FCHSD2: variants seen among roughly 807,000 people sequenced by gnomAD.
The protein encoded by FCHSD2 is F-BAR and double SH3 domains protein 2.
FCHSD2 carries 38 observed loss-of-function variants against 108.1 expected under a neutral mutation model. The ratio of observed to expected loss-of-function variants is 0.35; its 90% confidence interval spans 0.27 to 0.46. The LOEUF is 0.46. FCHSD2 is among the 20% of genes least tolerant of loss of function. The pLI is 1.00. For synonymous variants in FCHSD2, 279 were observed against 314.7 expected, an observed-to-expected ratio of 0.89 and a Z score of 1.20; for missense variants, 751 against 897.8, an observed-to-expected ratio of 0.84 and a Z score of 2.09.
chr11:72,910,531 C>T (rs1855741554), intron 9 of FCHSD2, among the ~76,000 whole-genome samples: 1 of 152,086 alleles, frequency 6.6e-6, no homozygotes, highest in South Asian at 2.1e-4. Flanking sequence ...TACCCCCAAC[C>T]CCATGCTCTT....
intron 2 of FCHSD2, among the ~76,000 whole-genome samples, chr11:73,113,311 T>C (rs913201719): frequency 6.8e-6 from 1 of 148,130 alleles, no homozygotes; most frequent in Non-Finnish European, 1.5e-5. Context: ...GACTGTTCCC[T>C]GGTACCTTAG....
chr11:73,087,589 C>T (rs1312688452), intron 2 of FCHSD2, among the ~76,000 whole-genome samples: 1 of 151,640 alleles, frequency 6.6e-6, no homozygotes, highest in East Asian at 1.9e-4. Context: ...CCTGTAGTCC[C>T]AGCTACTCGG....
chr11:73,035,917 C>G (rs1022982858), intron 3 of FCHSD2, among the ~76,000 whole-genome samples: 3 of 151,910 alleles, frequency 2.0e-5, no homozygotes, highest in African/African-American at 7.3e-5. Context: ...GACAGGGTTT[C>G]ACCATGTTGG....
At chr11:73,044,686 G>C (rs1858714817) in intron 3 of FCHSD2, among the ~76,000 whole-genome samples, 1 of 152,118 alleles carries the variant, frequency 6.6e-6, no homozygotes, top group South Asian at 2.1e-4. Flanking sequence ...ATTAAAATTA[G>C]GCAAATGCTG....
intron 3 of FCHSD2, among the ~76,000 whole-genome samples, chr11:73,036,462 T>G (rs948967306): frequency 1.3e-5 from 2 of 152,206 alleles, no homozygotes; most frequent in Non-Finnish European, 2.9e-5. Flanking sequence ...GAAAATAATT[T>G]CATTAGTCAC....
intron 6 of FCHSD2, among the ~76,000 whole-genome samples, chr11:72,986,295 T>C (rs1857310319): frequency 6.6e-6 from 1 of 152,168 alleles, no homozygotes; most frequent in Non-Finnish European, 1.5e-5. Flanking sequence ...CTGCAACCTC[T>C]GCCTCCTGGG....
intron 2 of FCHSD2, among the ~76,000 whole-genome samples, chr11:73,130,601 G>T (rs1455782582): frequency 6.6e-6 from 1 of 152,078 alleles, no homozygotes; most frequent in Non-Finnish European, 1.5e-5. Context: ...AATGGCTTAG[G>T]AGCTAATAAA....
chr11:72,903,746 G>A (rs1184712166), intron 9 of FCHSD2, among the ~76,000 whole-genome samples: 1 of 151,900 alleles, frequency 6.6e-6, no homozygotes, highest in Non-Finnish European at 1.5e-5. Context: ...CTAGAAGATG[G>A]GCAGAAGAAA....
intron 9 of FCHSD2, among the ~76,000 whole-genome samples, chr11:72,908,274 T>G (rs989506287): frequency 1.3e-5 from 2 of 152,212 alleles, no homozygotes; most frequent in African/African-American, 4.8e-5. Flanking sequence ...TCTCTATCCG[T>G]TCATCTGTTG....
At chr11:72,945,407 G>A (rs559988585) in intron 8 of FCHSD2, among the ~76,000 whole-genome samples, 6 of 152,170 alleles carry the variant, frequency 3.9e-5, no homozygotes, top group East Asian at 1.9e-4. Flanking sequence ...TTCAAGATGG[G>A]TTAAAGACTT....
At chr11:73,128,400 T>A (rs1860909815) in intron 2 of FCHSD2, among the ~76,000 whole-genome samples, 1 of 152,146 alleles carries the variant, frequency 6.6e-6, no homozygotes, top group African/African-American at 2.4e-5. Flanking sequence ...ACCTTTTTTG[T>A]TTGTTGGCAA....
chr11:73,096,843 A>G (rs540699963), intron 2 of FCHSD2, among the ~76,000 whole-genome samples: 113 of 151,738 alleles, frequency 7.4e-4, no homozygotes, highest in Non-Finnish European at 1.2e-3. Context: ...AAAAAAAAAA[A>G]GGAAATTTCC....
intron 3 of FCHSD2, among the ~76,000 whole-genome samples, chr11:73,062,203 C>T (rs548369659): frequency 4.6e-5 from 7 of 152,276 alleles, no homozygotes; most frequent in Admixed American, 1.3e-4. Flanking sequence ...CTTCAGCAGA[C>T]CTGCAGCAGA....
At chr11:73,139,486 T>A (rs1861197396) in intron 2 of FCHSD2, among the ~76,000 whole-genome samples, 1 of 152,208 alleles carries the variant, frequency 6.6e-6, no homozygotes, top group Non-Finnish European at 1.5e-5. Context: ...TAGCAAGATG[T>A]CTTAGCTATT....
intron 4 of FCHSD2, among the ~76,000 whole-genome samples, chr11:73,005,572 G>C (rs1173456246): frequency 6.6e-6 from 1 of 152,166 alleles, no homozygotes; most frequent in Non-Finnish European, 1.5e-5. Context: ...CCTCAAGTCA[G>C]ACCCCAGGCT....
intron 11 of FCHSD2, among the ~76,000 whole-genome samples, chr11:72,888,428 C>CTAAAAA (rs1190900753): frequency 6.6e-6 from 1 of 151,886 alleles, no homozygotes; most frequent in Non-Finnish European, 1.5e-5. Flanking sequence ...ATGTAATGGG[C>CTAAAAA]TAAAAAGTAA....
At chr11:73,008,968 A>G (rs1005835108) in intron 4 of FCHSD2, among the ~76,000 whole-genome samples, 3 of 152,102 alleles carry the variant, frequency 2.0e-5, no homozygotes, top group African/African-American at 7.2e-5. Context: ...AGCTTACTTA[A>G]AAGTCATTAG....
At chr11:73,091,889 A>T (rs1444985286) in intron 2 of FCHSD2, among the ~76,000 whole-genome samples, 1 of 151,730 alleles carries the variant, frequency 6.6e-6, no homozygotes, top group East Asian at 2.0e-4. Context: ...AAAATACAAA[A>T]AATTAGCTGG....
intron 13 of FCHSD2, among the ~76,000 whole-genome samples, chr11:72,859,609 T>C (rs1861518022): frequency 6.6e-6 from 1 of 152,214 alleles, no homozygotes; most frequent in Admixed American, 6.5e-5. Context: ...ACTTCAGGCA[T>C]GCACTGGAGG....
Sources: allele counts gnomAD v4.1 joint callset (sites outside exome capture counted in the v4.1 genomes callset), GRCh38; gene constraint gnomAD v4.1.1; transcripts MANE v1.5; gene names NCBI Gene and HGNC (gene_info 2026-07-23, HGNC 2026-07-21).